The following CRIM1 variants were observed in gnomAD, a reference collection of about 807,000 sequenced individuals.
The protein encoded by CRIM1 is cysteine-rich motor neuron 1 protein.
In CRIM1, 32 loss-of-function variants were observed where a neutral mutation model predicts 116.4. That is an observed-to-expected ratio of 0.27 (90% CI 0.21 to 0.37). The LOEUF (loss-of-function observed/expected upper bound fraction) is 0.37. CRIM1 is among the 10% of genes least tolerant of loss of function. CRIM1 has a pLI of 1.00. For missense variants in CRIM1, 1,331 were observed against 1,354.8 expected, an observed-to-expected ratio of 0.98 and a Z score of 0.28; for synonymous variants, 590 against 509.2, an observed-to-expected ratio of 1.16 and a Z score of -2.13.
chr2:36,398,205 C>T (rs1326836709), intron 2 of CRIM1, among the ~76,000 whole-genome samples: 2 of 152,144 alleles, frequency 1.3e-5, no homozygotes, highest in Non-Finnish European at 2.9e-5. Flanking sequence ...TTACTTTTTG[C>T]TATTCTTACA....
At chr2:36,359,558 T>C (rs1350881018) in intron 1 of CRIM1, among the ~76,000 whole-genome samples, 3 of 152,026 alleles carry the variant, frequency 2.0e-5, no homozygotes, top group Non-Finnish European at 4.4e-5. Flanking sequence ...TAAAAGTACA[T>C]TGAACAAACG....
chr2:36,489,543 C>T (rs899949044), intron 7 of CRIM1, among the ~76,000 whole-genome samples: 1 of 152,142 alleles, frequency 6.6e-6, no homozygotes, highest in Non-Finnish European at 1.5e-5. Flanking sequence ...ATACTAAGAA[C>T]ATGACTCATT....
intron 2 of CRIM1, among the ~76,000 whole-genome samples, chr2:36,398,845 A>G (rs1385707295): frequency 6.6e-6 from 1 of 152,240 alleles, no homozygotes; most frequent in East Asian, 1.9e-4. Context: ...TTGTATATGA[A>G]AGAATTAGTG....
intron 1 of CRIM1, among the ~76,000 whole-genome samples, chr2:36,364,646 G>A (rs950405623): frequency 1.2e-4 from 19 of 152,162 alleles, no homozygotes; most frequent in Admixed American, 7.2e-4. Flanking sequence ...AGGGCTTGGG[G>A]CTAGACAAAC....
chr2:36,527,462 G>A (rs889393591), intron 13 of CRIM1, among the ~76,000 whole-genome samples: 1 of 152,090 alleles, frequency 6.6e-6, no homozygotes, highest in African/African-American at 2.4e-5. Context: ...CTTAGCTTGT[G>A]TTGTGACTGT....
rs202222795 is a variant in CRIM1, at chr2:36,479,565, C to G, written c.1243C>G (p.Arg415Gly). 90 of 1,614,228 alleles carry G rather than the reference C, an allele frequency of 5.6e-5. No homozygotes were observed. In the Admixed American group the frequency reaches 6.3e-4, roughly 11 times the overall value. ...TGGCCTGATCCTTGCCCACGGAGAC[C>G]GGTGGCGGGAAGACGACTGCACATT... Reference protein sequence around the residue: ...ANGLILAHGDRWREDDCTFCQ... With the variant: ...ANGLILAHGDGWREDDCTFCQ... The change falls in exon 7 of 17, where the codon CGG (arginine) becomes GGG (glycine). Residue 415 changes from arginine (R) to glycine (G), a missense_variant. Coordinates refer to ENST00000280527, the MANE Select transcript of CRIM1 (RefSeq NM_016441.3).
intron 7 of CRIM1, among the ~76,000 whole-genome samples, chr2:36,495,475 A>ATTTTTTTT (rs1024205619): frequency 4.2e-4 from 55 of 129,590 alleles, no homozygotes; most frequent in Non-Finnish European, 6.7e-4. Flanking sequence ...TTATTTATTT[A>ATTTTTTTT]TTTTTTTTTT....
intron 7 of CRIM1, among the ~76,000 whole-genome samples, chr2:36,489,124 G>T (rs1680046436): frequency 3.9e-5 from 6 of 152,124 alleles, no homozygotes; most frequent in Admixed American, 3.3e-4. Context: ...ATCTAATGAG[G>T]TATATTTATG....
At chr2:36,363,276 T>C (rs1438771803) in intron 1 of CRIM1, among the ~76,000 whole-genome samples, 1 of 151,894 alleles carries the variant, frequency 6.6e-6, no homozygotes, top group South Asian at 2.1e-4. Flanking sequence ...AGTTTTCTCA[T>C]CTGTGTAGTC....
In CRIM1 at chr2:36,453,745, T is replaced by C. The variant is rs17018822; in HGVS notation, c.870-10789T>C. On this transcript the variant is annotated intron_variant, in intron 4 of 16. Transcript: ENST00000280527. ...TTGTAGTTTAAAGTGTTGTGTGCTTTGGTAGTAGAAGTGTGCAAAAAACAC... is the reference window on the plus strand; with the variant it reads ...TTGTAGTTTAAAGTGTTGTGTGCTTCGGTAGTAGAAGTGTGCAAAAAACAC... 9.4e-3 allele frequency among the ~76,000 whole-genome samples: 1,429 copies of C among 152,324 alleles called. 53 individuals carry two copies. In the East Asian group the frequency reaches 0.096, roughly 10 times the overall value.
intron 1 of CRIM1, among the ~76,000 whole-genome samples, chr2:36,381,679 C>T (rs1050620220): frequency 5.3e-5 from 8 of 152,160 alleles, no homozygotes; most frequent in African/African-American, 1.9e-4. Context: ...CCCAGCTACT[C>T]AGGAGGCTGA....
intron 8 of CRIM1, among the ~76,000 whole-genome samples, chr2:36,509,719 C>T (rs1444870499): frequency 1.3e-5 from 2 of 152,196 alleles, no homozygotes; most frequent in African/African-American, 4.8e-5. Context: ...GCTGTTCACT[C>T]AGAGCCTACC....
chr2:36,471,549 A>G (rs1197466668), intron 5 of CRIM1, among the ~76,000 whole-genome samples: 1 of 152,210 alleles, frequency 6.6e-6, no homozygotes, highest in East Asian at 1.9e-4. Flanking sequence ...GTTTTTAGCA[A>G]TAAAGTATTT....
chr2:36,404,345 C>T (rs541251887), intron 2 of CRIM1, among the ~76,000 whole-genome samples: 4 of 152,270 alleles, frequency 2.6e-5, no homozygotes. Flanking sequence ...GTCAGACCCA[C>T]ACCTGGAATT....
At chr2:36,534,318 G>A (rs1307958655) in intron 13 of CRIM1, among the ~76,000 whole-genome samples, 2 of 120,478 alleles carry the variant, frequency 1.7e-5, no homozygotes, top group African/African-American at 6.3e-5. Flanking sequence ...GAGGGGGAAG[G>A]AAAGAAGGAG....
chr2:36,401,408 C>G (rs1672393849), intron 2 of CRIM1, among the ~76,000 whole-genome samples: 1 of 152,190 alleles, frequency 6.6e-6, no homozygotes, highest in Non-Finnish European at 1.5e-5. Flanking sequence ...CAAGTTATCC[C>G]ACCTTGATCT....
intron 8 of CRIM1, among the ~76,000 whole-genome samples, chr2:36,508,047 A>T (rs1293686304): frequency 6.6e-6 from 1 of 152,262 alleles, no homozygotes; most frequent in African/African-American, 2.4e-5. Context: ...CATGACTAAT[A>T]AAGTCTTCTT....
At chr2:36,384,441 A>C (rs1671025584) in intron 1 of CRIM1, among the ~76,000 whole-genome samples, 1 of 152,196 alleles carries the variant, frequency 6.6e-6, no homozygotes, top group African/African-American at 2.4e-5. Flanking sequence ...GTGAGGACCC[A>C]GTGAGTTGGA....
At chr2:36,504,440 T>C (rs1358278686) in intron 8 of CRIM1, among the ~76,000 whole-genome samples, 1 of 152,178 alleles carries the variant, frequency 6.6e-6, no homozygotes, top group African/African-American at 2.4e-5. Flanking sequence ...CAAAACCCTA[T>C]AGAAACATGT....
Sources: allele counts gnomAD v4.1 joint callset (sites outside exome capture counted in the v4.1 genomes callset), GRCh38; gene constraint gnomAD v4.1.1; transcripts MANE v1.5; gene names NCBI Gene and HGNC (gene_info 2026-07-23, HGNC 2026-07-21).